The following GNPDA1 variants were observed in gnomAD, a reference collection of about 807,000 sequenced individuals.
The protein encoded by GNPDA1 is GNPDA 1.
A neutral mutation model predicts 28.5 loss-of-function variants in GNPDA1; 24 were observed. The ratio of observed to expected loss-of-function variants is 0.84; its 90% CI spans 0.61 to 1.19. GNPDA1 has a LOEUF of 1.19. Ranked by LOEUF, GNPDA1 falls within the 50% of genes most tolerant of loss-of-function variation. GNPDA1 has a pLI of 0.00. For missense variants in GNPDA1, 264 were observed against 367.3 expected (o/e 0.72, Z 2.30); for synonymous variants, 147 against 139.3 (o/e 1.06, Z -0.39).
Position 142,001,854 on chromosome 5 carries a change from C to A in GNPDA1, c.*175G>T. 1 of 435,504 alleles carries A rather than the reference C, an allele frequency of 2.3e-6. No homozygotes were observed. Among genetic ancestry groups the A allele is most frequent in the Non-Finnish European group, 4.1e-6 (1 of 244,974 alleles). The allele number at this position is 435,504 out of a possible 1,614,324, so 27.0% of individuals were successfully genotyped here. A position where few individuals can be genotyped will look rare whatever the true frequency, so the allele number is the denominator to read the frequency against. ...TTCTGATTAAGTTACAAACATTCTC[C>A]CTATAGCTAAACTCCGTGACTAGGC... On this transcript the variant is annotated 3_prime_UTR_variant, in exon 7 of 7. Transcript: ENST00000311337.
Position 142,006,197 on chromosome 5 carries a change from T to G in GNPDA1, c.356A>C (p.Asp119Ala). The G allele has an allele frequency of 6.2e-7, 1 of 1,614,096 alleles. No homozygotes were observed. Among genetic ancestry groups the G allele is most frequent in the Non-Finnish European group, 8.5e-7 (1 of 1,179,938 alleles). The change falls in exon 4 of 7, where the codon GAT becomes GCT. Residue 119 changes from aspartate to alanine, a missense_variant. Physicochemically the swap from Asp to Ala is moderately radical, Grantham distance 126. Transcript: ENST00000311337. ...AGCCTTGATCTTCTCTTCAAAGGCA[T>G]CACATTCTGCCTGTAGGTCGACTGC... The part of the protein sequence containing the change: ...GNAVDLQAEC[D>A]AFEEKIKAAG...
At position 142,007,650 on chromosome 5, in the gene GNPDA1, T is replaced by C. The variant is rs934635247; in HGVS notation, c.226+149A>G. On this transcript the variant is annotated intron_variant, in intron 3 of 6. Coordinates refer to ENST00000311337, the MANE Select transcript of GNPDA1 (RefSeq NM_005471.5). ...GGTCAGCTTTATTAGCCCCATTTTA[T>C]AGCTGAGTAAACCAAGAGGTAAGTA... 9 of 631,402 alleles carry C rather than the reference T, an allele frequency of 1.4e-5. No individual in the cohort carries two copies. The Admixed American group carries it at 2.1e-4, about 15-fold the overall frequency. The allele number at this position is 631,402 out of a possible 1,614,324, so 39.1% of individuals were successfully genotyped here.
intron 5 of GNPDA1, 42 bp downstream of exon 5, chr5:142,004,890 C>G (rs1204784112): frequency 1.5e-6 from 2 of 1,361,272 alleles, no homozygotes; most frequent in Non-Finnish European, 2.0e-6. Context: ...AAGAGAAAGA[C>G]AAGTCCACCA....
rs773603626 is a variant in GNPDA1 at position 142,006,194 on chromosome 5, G to A, written c.359C>T (p.Ala120Val). Reference protein sequence around the residue: ...NAVDLQAECDAFEEKIKAAGG... With the variant: ...NAVDLQAECDVFEEKIKAAGG... The stretch of plus-strand genomic sequence containing the variant: ...TGCAGCCTTGATCTTCTCTTCAAAG[G>A]CATCACATTCTGCCTGTAGGTCGAC... The change falls in exon 4 of 7, where the codon GCC (alanine) becomes GTC (valine). Residue 120 changes from alanine to valine, a missense_variant. Physicochemically the swap from Ala to Val is moderately conservative, Grantham distance 64 (BLOSUM62 0). Transcript: ENST00000311337. The A allele has an allele frequency of 6.2e-7, 1 of 1,614,068 alleles. No individual in the cohort carries two copies. Among genetic ancestry groups the A allele is most frequent in the Middle Eastern group, 1.7e-4 (1 of 6,058 alleles).
Position 142,011,930 on chromosome 5 carries a change from T to A in GNPDA1, c.106A>T (p.Thr36Ser). ...AACGCACCAGTGGGGAGCCCCAGGG[T>A]GAAGTACTTCTCTGGCCCTGGGTTA... ...QFNPGPEKYF[T>S]LGLPTGSTPL... The change falls in exon 2 of 7, where the codon ACC becomes TCC. Residue 36 changes from threonine to serine, a missense_variant. Transcript: ENST00000311337. 4 of 1,613,978 alleles carry A rather than the reference T, an allele frequency of 2.5e-6. No individual in the cohort carries two copies. The highest frequency in any genetic ancestry group is 3.4e-6 in the Non-Finnish European group (4 of 1,179,926).
In GNPDA1 at chr5:142,011,921, GC is replaced by G; in HGVS notation, c.114del (p.Leu39SerfsTer14). ...NPGPEKYFTL[G>X]LPTGSTPLGC... ...CCATCCAAGAACGCACCAGTGGGGA[GC>G]CCCAGGGTGAAGTACTTCTCTGGCC... On this transcript the variant is annotated frameshift_variant, in exon 2 of 7. Coordinates refer to ENST00000311337, the MANE Select transcript of GNPDA1 (RefSeq NM_005471.5). LOFTEE classifies it high-confidence loss of function. 1 of 1,614,056 alleles carries G rather than the reference GC, an allele frequency of 6.2e-7. No homozygotes were observed. Among genetic ancestry groups the G allele is most frequent in the Non-Finnish European group, 8.5e-7 (1 of 1,179,944 alleles).
chr5:142,010,093 C>A (rs1308557753), intron 2 of GNPDA1, among the ~76,000 whole-genome samples: 1 of 152,244 alleles, frequency 6.6e-6, no homozygotes, highest in African/African-American at 2.4e-5. Flanking sequence ...CAGGTGGATA[C>A]TACTCCCACA....
chr5:142,012,126 T>C, intron 1 of GNPDA1, 85 bp from the exon 2 acceptor site: 1 of 1,349,402 alleles, frequency 7.4e-7, no homozygotes, highest in Non-Finnish European at 1.0e-6. Flanking sequence ...AAGCTTCTCT[T>C]ACCCAGCAAC....
rs1755798428 is a variant in GNPDA1, at chr5:142,006,149, A to G, written c.404T>C (p.Val135Ala). Residue 135 changes from valine to alanine, a missense_variant, in exon 4 of 7, where the codon GTT (valine) becomes GCT (alanine). By Grantham distance (64) the Val-to-Ala change is moderately conservative (BLOSUM62 0). Coordinates refer to ENST00000311337, the MANE Select transcript of GNPDA1 (RefSeq NM_005471.5). ...CTGCAGAGTGTCAAGCTCACCTCCA[A>G]CAAATAGCTCGATCCCACCTGCAGC... is the stretch of plus-strand genomic sequence containing the variant. Reference protein sequence around the residue: ...IKAAGGIELFVGGIGPDGHIA... With the variant: ...IKAAGGIELFAGGIGPDGHIA... 3.7e-6 allele frequency: 6 copies of G among 1,611,958 alleles called. No individual in the cohort carries two copies. Among genetic ancestry groups the G allele is most frequent in the Non-Finnish European group, 5.1e-6 (6 of 1,178,598 alleles).
intron 5 of GNPDA1, among the ~76,000 whole-genome samples, chr5:142,004,638 GCCT>G (rs1755754893): frequency 1.3e-5 from 2 of 152,154 alleles, no homozygotes; most frequent in Non-Finnish European, 2.9e-5. Flanking sequence ...AGCGATGCTG[GCCT>G]CCTCTCTGCC....
intron 5 of GNPDA1, among the ~76,000 whole-genome samples, chr5:142,004,713 G>T (rs1483625137): frequency 3.9e-5 from 6 of 152,200 alleles, no homozygotes; most frequent in African/African-American, 1.4e-4. Flanking sequence ...GTCAGCCAAA[G>T]GCACCAAAAA....
chr5:142,011,709 T>C (rs530414370), intron 2 of GNPDA1: 9 of 505,120 alleles, frequency 1.8e-5, no homozygotes, highest in South Asian at 1.7e-4. Context: ...TGCTCCAGGA[T>C]TCTGCAGGGA....
chr5:142,012,095 A>T, intron 1 of GNPDA1, 54 bp from the exon 2 acceptor site: 4 of 1,529,918 alleles, frequency 2.6e-6, no homozygotes, highest in Non-Finnish European at 3.6e-6. Flanking sequence ...GGGGCAGAGA[A>T]AGAGATGGAG....
At chr5:142,006,097 C>A (rs760983368) in intron 4 of GNPDA1, 47 bp downstream of exon 4, 1 of 1,510,552 alleles carries the variant, frequency 6.6e-7, no homozygotes, top group East Asian at 2.3e-5. Flanking sequence ...GTCCTCCTTC[C>A]CACGGGTCTG....
intron 2 of GNPDA1, among the ~76,000 whole-genome samples, chr5:142,010,620 C>T (rs1332514142): frequency 6.6e-6 from 1 of 151,466 alleles, no homozygotes; most frequent in Non-Finnish European, 1.5e-5. Context: ...AATACTCACA[C>T]CTCACACCGT....
In GNPDA1 at chr5:142,010,949, T is replaced by C. The variant is rs185226594; in HGVS notation, c.124+963A>G. On this transcript the variant is annotated intron_variant, in intron 2 of 6. Coordinates refer to ENST00000311337, the MANE Select transcript of GNPDA1 (RefSeq NM_005471.5). ...ATACAACCATACTCATTCACTTATA[T>C]ATTGTCTTTTCTTTTTTTGAGACAG... is the stretch of plus-strand genomic sequence containing the variant. 8.9e-4 allele frequency among the ~76,000 whole-genome samples: 136 copies of C among 152,222 alleles called. 1 individual carries two copies. The highest frequency in any genetic ancestry group is 3.2e-4 in the Non-Finnish European group (22 of 68,010).
intron 1 of GNPDA1, chr5:142,012,469 C>G (rs534796272): frequency 8.3e-5 from 13 of 156,960 alleles, no homozygotes; most frequent in Non-Finnish European, 1.4e-4. Context: ...ATGCTCGGCT[C>G]AGCCCCGCCT....
chr5:142,012,180 A>G (rs1382772823), intron 1 of GNPDA1, 139 bp from the exon 2 acceptor site: 2 of 714,340 alleles, frequency 2.8e-6, no homozygotes, highest in East Asian at 2.8e-5. Context: ...AGGCCTTTCT[A>G]TTCACAGAGG....
chr5:142,004,328 A>G (rs900352467), intron 5 of GNPDA1, among the ~76,000 whole-genome samples: 3 of 152,242 alleles, frequency 2.0e-5, no homozygotes, highest in Non-Finnish European at 4.4e-5. Context: ...AAAGAAATGT[A>G]AATCTAACAT....
Sources: allele counts gnomAD v4.1 joint callset (sites outside exome capture counted in the v4.1 genomes callset), GRCh38; gene constraint gnomAD v4.1.1; transcripts MANE v1.5; gene names NCBI Gene and HGNC (gene_info 2026-07-23, HGNC 2026-07-21).